The following CHKA variants were observed in gnomAD, a reference collection of about 807,000 sequenced individuals.
The protein encoded by CHKA is choline kinase alpha, also known as CHETK-alpha.
CHKA carries 34 observed loss-of-function variants against 60.1 expected under a neutral mutation model. The observed-to-expected ratio is 0.57, with a 90% CI of 0.43 to 0.75. The LOEUF is 0.75. CHKA is among the 30% of genes least tolerant of loss of function. The pLI, the probability that CHKA is intolerant of heterozygous loss-of-function variation, is 0.00. For missense variants in CHKA, 563 were observed against 561.3 expected (o/e 1.00, Z -0.03); for synonymous variants, 217 against 223.1 (o/e 0.97, Z 0.24).
chr11:68,068,398 T>C (rs1255367590), intron 7 of CHKA, among the ~76,000 whole-genome samples: 2 of 152,118 alleles, frequency 1.3e-5, no homozygotes, highest in African/African-American at 4.8e-5. Flanking sequence ...TTAGTGAATA[T>C]TCTTTCGGAT....
chr11:68,087,059 A>C (rs2134621479), intron 2 of CHKA, among the ~76,000 whole-genome samples: 1 of 152,352 alleles, frequency 6.6e-6, no homozygotes, highest in African/African-American at 2.4e-5. Context: ...TAAACGTCCA[A>C]TACTACATGA....
intron 1 of CHKA, 85 bp downstream of exon 1, chr11:68,120,741 CGG>C (rs1858602933): frequency 1.7e-5 from 5 of 302,156 alleles, no homozygotes; most frequent in Non-Finnish European, 2.6e-5. Flanking sequence ...CCGACCCCCC[CGG>C]CCCACGCCCC....
At position 68,061,095 on chromosome 11, in the gene CHKA, GTTTTTTTTTTTTTTTT is replaced by G. The variant is rs757176198; in HGVS notation, c.1314+842_1314+857del. ...ACTTTCTATTTCTATGTCAGTGACA[GTTTTTTTTTTTTTTTT>G]TTTTTTTTTTTTTGAGACAGAATCT... On this transcript the variant is annotated intron_variant, in intron 11 of 11. Coordinates refer to ENST00000265689, the MANE Select transcript of CHKA (RefSeq NM_001277.3). Among the ~76,000 whole-genome samples the G allele has an allele frequency of 1.1e-4, 8 of 70,878 alleles. No individual in the cohort carries two copies. In the East Asian group the frequency reaches 1.3e-3, roughly 11 times the overall value. The allele number at this position is 70,878 out of a possible 152,430, so 46.5% of individuals were successfully genotyped here.
rs1177601177 is a variant in CHKA at position 68,121,293 on chromosome 11, CGCGGCGGTTGGGCGCGCGGG to C, written c.-136_-117del. ...CTGGCAGGCCGGCGGGGCAGGGGGCCGCGGCGGTTGGGCGCGCGGGGCGGCGGCGGCGGCTGCGGCGACTG... is the reference window on the plus strand; with the variant it reads ...CTGGCAGGCCGGCGGGGCAGGGGGCCGCGGCGGCGGCGGCTGCGGCGACTG... On this transcript the variant is annotated 5_prime_UTR_variant, in exon 1 of 12. Coordinates refer to ENST00000265689, the MANE Select transcript of CHKA (RefSeq NM_001277.3). 1 of 873,330 alleles carries C rather than the reference CGCGGCGGTTGGGCGCGCGGG, an allele frequency of 1.1e-6. No individual in the cohort carries two copies. The highest frequency in any genetic ancestry group is 1.4e-6 in the Non-Finnish European group (1 of 717,008). 54.1% of individuals were successfully genotyped at this position (873,330 alleles called of 1,614,324 possible).
At chr11:68,056,024 C>T (rs993054689) in intron 11 of CHKA, among the ~76,000 whole-genome samples, 17 of 152,000 alleles carry the variant, frequency 1.1e-4, no homozygotes, top group African/African-American at 3.9e-4. Flanking sequence ...CTCCAGCCTG[C>T]GCAACAAGAG....
chr11:68,073,190 A>G (rs1357716229), intron 4 of CHKA, among the ~76,000 whole-genome samples: 1 of 152,078 alleles, frequency 6.6e-6, no homozygotes, highest in Non-Finnish European at 1.5e-5. Flanking sequence ...CTTTTACTAC[A>G]TGTGCACATA....
In CHKA at chr11:68,061,667, C is replaced by A. The variant is rs563382492; in HGVS notation, c.1314+286G>T. 7.9e-6 allele frequency: 4 copies of A among 506,558 alleles called. No homozygotes were observed. In the East Asian group the frequency reaches 2.0e-4, roughly 25 times the overall value. The allele number at this position is 506,558 out of a possible 1,614,324, so 31.4% of individuals were successfully genotyped here. A position where few individuals can be genotyped will look rare whatever the true frequency, so the allele number is the denominator to read the frequency against. Reference sequence around the variant, plus strand: ...GGGTGCAGATGCCTACATTCCCCATCAGGATTGCAGGCACTTCTCTGAAGC... The same window carrying A: ...GGGTGCAGATGCCTACATTCCCCATAAGGATTGCAGGCACTTCTCTGAAGC... On this transcript the variant is annotated intron_variant, in intron 11 of 11. Coordinates refer to ENST00000265689, the MANE Select transcript of CHKA (RefSeq NM_001277.3).
chr11:68,097,242 T>C (rs1565189181), intron 1 of CHKA, 112 bp from the exon 2 acceptor site: 7 of 649,458 alleles, frequency 1.1e-5, no homozygotes, highest in South Asian at 9.6e-5. Context: ...TCTCATCTTA[T>C]CTCGATTTAT....
intron 1 of CHKA, among the ~76,000 whole-genome samples, chr11:68,100,937 C>CTTTTTTT (rs758101816): frequency 6.4e-5 from 5 of 78,212 alleles, no homozygotes; most frequent in Non-Finnish European, 9.8e-5. Flanking sequence ...TAAAGAGGTT[C>CTTTTTTT]TTTTTTTTTT....
In CHKA at chr11:68,101,544, G is replaced by T. The variant is rs573710171; in HGVS notation, c.351-4414C>A. Among the ~76,000 whole-genome samples the T allele has an allele frequency of 2.0e-5, 3 of 152,032 alleles. No homozygotes were observed. The South Asian group carries it at 6.2e-4, about 32-fold the overall frequency. ...AGGCTCAGGTGGGAAGATCACTTGA[G>T]CCCAGGAGGTCAAGGCTGGAGTGAG... On this transcript the variant is annotated intron_variant, in intron 1 of 11. Transcript: ENST00000265689.
Position 68,056,206 on chromosome 11 carries a change from C to T in CHKA, c.1315-2159G>A, listed in dbSNP as rs188174016. Among the ~76,000 whole-genome samples the T allele has an allele frequency of 3.3e-3, 497 of 152,268 alleles. 3 individuals are homozygous for T. The highest frequency in any genetic ancestry group is 5.2e-3 in the Non-Finnish European group (357 of 68,012). Reference sequence around the variant, plus strand: ...TTCTCCATGATATCGTTCAGAGTTACTCATTTTGATAAAGTCCAACTGTGA... The same window carrying T: ...TTCTCCATGATATCGTTCAGAGTTATTCATTTTGATAAAGTCCAACTGTGA... On this transcript the variant is annotated intron_variant, in intron 11 of 11. Coordinates refer to ENST00000265689, the MANE Select transcript of CHKA (RefSeq NM_001277.3).
At chr11:68,078,687 C>T (rs1468133327) in intron 3 of CHKA, among the ~76,000 whole-genome samples, 7 of 152,128 alleles carry the variant, frequency 4.6e-5, no homozygotes, top group Non-Finnish European at 1.0e-4. Context: ...TGCATAACCT[C>T]AATTGTGAGA....
chr11:68,114,658 T>C (rs12789942), intron 1 of CHKA, among the ~76,000 whole-genome samples: 6,603 of 150,038 alleles, frequency 0.044, 199 homozygotes, highest in Middle Eastern at 0.13. Context: ...GATCGCACCA[T>C]TGCACTCCAG....
Position 68,069,515 on chromosome 11 carries a change from T to C in CHKA, c.870-578A>G, listed in dbSNP as rs571364807. Among the ~76,000 whole-genome samples the C allele has an allele frequency of 3.3e-5, 5 of 151,730 alleles. No individual in the cohort carries two copies. The South Asian group carries it at 1.0e-3, about 32-fold the overall frequency. ...CTCTGGCCAACATGGTGTAACCCCA[T>C]CTCCACAAAAATACAAAAATTAGCT... On this transcript the variant is annotated intron_variant, in intron 6 of 11. Coordinates refer to ENST00000265689, the MANE Select transcript of CHKA (RefSeq NM_001277.3).
At chr11:68,101,476 A>C (rs1016587001) in intron 1 of CHKA, among the ~76,000 whole-genome samples, 1 of 152,150 alleles carries the variant, frequency 6.6e-6, no homozygotes. Flanking sequence ...CAGGATACAA[A>C]ATCAACATAC....
intron 7 of CHKA, among the ~76,000 whole-genome samples, chr11:68,067,649 C>T (rs1223726200): frequency 2.0e-5 from 3 of 152,162 alleles, no homozygotes; most frequent in Non-Finnish European, 4.4e-5. Flanking sequence ...TAATGTACAA[C>T]TGTTACCTCT....
At chr11:68,088,110 CAAAAAAAAAA>C (rs55932145) in intron 2 of CHKA, among the ~76,000 whole-genome samples, 5 of 71,258 alleles carry the variant, frequency 7.0e-5, no homozygotes, top group East Asian at 4.5e-4. Context: ...GAGGCTGTCT[CAAAAAAAAAA>C]AAAAAAAAAA....
intron 2 of CHKA, among the ~76,000 whole-genome samples, chr11:68,084,372 GTA>G (rs552248577): frequency 1.3e-4 from 16 of 124,846 alleles, no homozygotes; most frequent in Non-Finnish European, 1.9e-4. Context: ...ACATATATAC[GTA>G]TATGTGTATA....
chr11:68,118,039 G>A (rs1267468932), intron 1 of CHKA, among the ~76,000 whole-genome samples: 11 of 152,202 alleles, frequency 7.2e-5, no homozygotes, highest in Admixed American at 7.2e-4. Context: ...ATTCCTGGGT[G>A]GGGAGGAGCC....
Sources: allele counts gnomAD v4.1 joint callset (sites outside exome capture counted in the v4.1 genomes callset), GRCh38; gene constraint gnomAD v4.1.1; transcripts MANE v1.5; gene names NCBI Gene and HGNC (gene_info 2026-07-23, HGNC 2026-07-21).